The following GPC5 variants were observed in gnomAD, a reference collection of about 807,000 sequenced individuals.
GPC5 encodes glypican 5.
A neutral mutation model predicts 53.9 loss-of-function variants in GPC5; 47 were observed. That is an observed-to-expected ratio of 0.87 (90% CI 0.69 to 1.11). The LOEUF (loss-of-function observed/expected upper bound fraction) is 1.11. Ranked by LOEUF, GPC5 falls within the 50% of genes most tolerant of loss-of-function variation. The pLI is 0.00. For synonymous variants in GPC5, 286 were observed against 263.3 expected (o/e 1.09, Z -0.84); for missense variants, 748 against 713.1 (o/e 1.05, Z -0.56).
intron 5 of GPC5, among the ~76,000 whole-genome samples, chr13:91,852,043 A>G (rs1307228820): frequency 1.3e-5 from 2 of 151,588 alleles, no homozygotes; most frequent in Admixed American, 6.6e-5. Flanking sequence ...GTCAAATGGT[A>G]TTTCCAGTTC....
In GPC5 at chr13:91,812,510, G is replaced by C. The variant is rs146757302; in HGVS notation, c.1280+56090G>C. 3.4e-3 allele frequency among the ~76,000 whole-genome samples: 521 copies of C among 152,232 alleles called. 6 individuals are homozygous for C. Among genetic ancestry groups the C allele is most frequent in the African/African-American group, 0.012 (501 of 41,526 alleles). On this transcript the variant is annotated intron_variant, in intron 5 of 7. Transcript: ENST00000377067. ...GTTGTTGCTCATGGTTTCCAAATGGGGAAACAAGGACTTAGAAAGCTTAAA... is the reference window on the plus strand; with the variant it reads ...GTTGTTGCTCATGGTTTCCAAATGGCGAAACAAGGACTTAGAAAGCTTAAA...
At chr13:91,892,485 C>T (rs2039397157) in intron 5 of GPC5, among the ~76,000 whole-genome samples, 1 of 151,498 alleles carries the variant, frequency 6.6e-6, no homozygotes, top group African/African-American at 2.4e-5. Context: ...TCATTAAAAA[C>T]ATTTCATTTT....
chr13:91,873,482 G>T (rs562986196), intron 5 of GPC5, among the ~76,000 whole-genome samples: 1 of 152,188 alleles, frequency 6.6e-6, no homozygotes, highest in South Asian at 2.1e-4. Context: ...TTCCCGTGCT[G>T]TTCTTATGAT....
chr13:92,450,442 C>G lies in GPC5; in HGVS notation c.1561+305453C>G, dbSNP rs538074462. Among the ~76,000 whole-genome samples, 6 of 152,194 alleles carry G rather than the reference C, an allele frequency of 3.9e-5. No homozygotes were observed. In the South Asian group the frequency reaches 1.2e-3, roughly 32 times the overall value. On this transcript the variant is annotated intron_variant, in intron 7 of 7. Transcript: ENST00000377067. ...ACAGTATTTTTAATATTTTTGTGGACTCATCACATGAGGTCAGGTGTGGAA... is the reference window on the plus strand; with the variant it reads ...ACAGTATTTTTAATATTTTTGTGGAGTCATCACATGAGGTCAGGTGTGGAA...
chr13:91,625,088 C>T (rs1319869044), intron 2 of GPC5, among the ~76,000 whole-genome samples: 3 of 151,310 alleles, frequency 2.0e-5, no homozygotes, highest in East Asian at 3.9e-4. Context: ...TCAAGAAAAT[C>T]AATAAGAACC....
At chr13:92,304,300 G>T (rs555596278) in intron 7 of GPC5, among the ~76,000 whole-genome samples, 2 of 151,944 alleles carry the variant, frequency 1.3e-5, no homozygotes, top group East Asian at 3.9e-4. Context: ...CACCTCCTGG[G>T]TTCACATCAT....
rs536182193 is a variant in GPC5, at chr13:92,075,895, T to C, written c.1402-68935T>C. 2.4e-4 allele frequency among the ~76,000 whole-genome samples: 36 copies of C among 152,304 alleles called. 1 individual carries two copies. The South Asian group carries it at 4.6e-3, about 19-fold the overall frequency. ...TAATTAAGCTTTAAATTCTAGGCTATCTGAAGCTAATTGATTATTGTATTT... is the reference window on the plus strand; with the variant it reads ...TAATTAAGCTTTAAATTCTAGGCTACCTGAAGCTAATTGATTATTGTATTT... On this transcript the variant is annotated intron_variant, in intron 6 of 7. Transcript: ENST00000377067.
At chr13:91,527,399 C>T (rs182519608) in intron 2 of GPC5, among the ~76,000 whole-genome samples, 127 of 152,348 alleles carry the variant, frequency 8.3e-4, no homozygotes, top group African/African-American at 2.8e-3. Flanking sequence ...CCTTTGATTC[C>T]GTGTCTCACG....
intron 2 of GPC5, among the ~76,000 whole-genome samples, chr13:91,600,770 T>G (rs2139231357): frequency 6.6e-6 from 1 of 152,248 alleles, no homozygotes; most frequent in Non-Finnish European, 1.5e-5. Context: ...TGGGCATAAT[T>G]ATAGACTTCT....
chr13:91,656,756 G>A (rs1659821487), intron 2 of GPC5, among the ~76,000 whole-genome samples: 1 of 152,022 alleles, frequency 6.6e-6, no homozygotes, highest in Non-Finnish European at 1.5e-5. Context: ...ATTAATTTTT[G>A]GATAATTTTA....
rs559508670 is a variant in GPC5, at chr13:91,409,441, A to AC, written c.163+10234dup. ...TAAGAGTTTGCATTACAAGAGCAGA[A>AC]CCAAATTTTACTTCTTCCTTTGATA... is the stretch of plus-strand genomic sequence containing the variant. On this transcript the variant is annotated intron_variant, in intron 1 of 7. Transcript: ENST00000377067. Among the ~76,000 whole-genome samples the AC allele has an allele frequency of 1.4e-3, 215 of 152,346 alleles. 1 individual carries two copies. Among genetic ancestry groups the AC allele is most frequent in the Non-Finnish European group, 2.7e-3 (184 of 68,028 alleles).
rs143457726 is a variant in GPC5, at chr13:92,767,420, G to A, written c.1562-98862G>A. Among the ~76,000 whole-genome samples, 944 of 152,234 alleles carry A rather than the reference G, an allele frequency of 6.2e-3. 12 individuals are homozygous for A. The highest frequency in any genetic ancestry group is 0.021 in the African/African-American group (886 of 41,524). On this transcript the variant is annotated intron_variant, in intron 7 of 7. Coordinates refer to ENST00000377067, the MANE Select transcript of GPC5 (RefSeq NM_004466.6). ...TGGGAGGCAGAGGTTGCAGTGAGCC[G>A]GGATCGCGCCACCACACTTCAGCCT...
intron 6 of GPC5, among the ~76,000 whole-genome samples, chr13:92,126,939 T>A (rs558919758): frequency 6.6e-6 from 1 of 152,252 alleles, no homozygotes. Flanking sequence ...GAATTGACAG[T>A]TTCCTCCATC....
intron 7 of GPC5, among the ~76,000 whole-genome samples, chr13:92,273,496 G>T (rs1357995692): frequency 6.6e-6 from 1 of 151,900 alleles, no homozygotes; most frequent in African/African-American, 2.4e-5. Context: ...CTAATAATAA[G>T]TGCAGAATAA....
At chr13:92,241,264 G>A (rs1033073664) in intron 7 of GPC5, 3 of 152,128 alleles carry the variant, frequency 2.0e-5, no homozygotes, top group African/African-American at 2.4e-5. Flanking sequence ...GGCTTTTTAT[G>A]TAAAAGATAA....
chr13:92,355,963 T>G (rs1474708767), intron 7 of GPC5, among the ~76,000 whole-genome samples: 1 of 151,182 alleles, frequency 6.6e-6, no homozygotes, highest in Non-Finnish European at 1.5e-5. Flanking sequence ...CTCTTTATGA[T>G]CACTACCCTG....
intron 7 of GPC5, among the ~76,000 whole-genome samples, chr13:92,335,364 C>A (rs2043314964): frequency 6.6e-6 from 1 of 152,084 alleles, no homozygotes; most frequent in Non-Finnish European, 1.5e-5. Context: ...GACACTGAGT[C>A]CCAAGGCTGA....
intron 3 of GPC5, among the ~76,000 whole-genome samples, chr13:91,722,153 AAGAAAAAGAG>A (rs556135486): frequency 1.0e-3 from 156 of 152,232 alleles, no homozygotes; most frequent in Non-Finnish European, 2.0e-3. Flanking sequence ...TCAGGAAGGA[AAGAAAAAGAG>A]AGAAAGAGAA....
At chr13:91,434,891 G>C (rs1327303946) in intron 1 of GPC5, among the ~76,000 whole-genome samples, 1 of 152,126 alleles carries the variant, frequency 6.6e-6, no homozygotes, top group Non-Finnish European at 1.5e-5. Context: ...TCTCCTTGAA[G>C]AGGTCCTTCA....
Sources: gnomAD v4.1 joint callset for allele counts (sites outside exome capture counted in the v4.1 genomes callset) on GRCh38, gnomAD v4.1.1 for gene constraint, MANE v1.5 for transcripts, NCBI Gene and HGNC (gene_info 2026-07-23, HGNC 2026-07-21) for gene names.